DAB1: variants seen among roughly 807,000 people sequenced by gnomAD.
DAB1 encodes disabled homolog 1.
DAB1 carries 15 observed loss-of-function variants against 64.6 expected under a neutral mutation model. The observed-to-expected ratio is 0.23, with a 90% CI of 0.16 to 0.36. The LOEUF (loss-of-function observed/expected upper bound fraction) is 0.36, where lower values mean the gene tolerates loss of function less well. DAB1 is among the 10% of genes least tolerant of loss of function. The pLI, the probability that DAB1 is intolerant of heterozygous loss-of-function variation, is 1.00. For synonymous variants in DAB1, 235 were observed against 251.9 expected, an observed-to-expected ratio of 0.93 and a Z score of 0.64; for missense variants, 596 against 706.7, an observed-to-expected ratio of 0.84 and a Z score of 1.78.
chr1:58,051,395 T>G (rs1230937712), intron 5 of DAB1, among the ~76,000 whole-genome samples: 1 of 152,178 alleles, frequency 6.6e-6, no homozygotes, highest in Non-Finnish European at 1.5e-5. Context: ...TTTTTATGGC[T>G]GCATAGTATT....
At chr1:57,467,197 G>T (rs1472160144) in intron 7 of DAB1, among the ~76,000 whole-genome samples, 1 of 152,040 alleles carries the variant, frequency 6.6e-6, no homozygotes, top group Admixed American at 6.6e-5. Flanking sequence ...CTCTAGAGTG[G>T]GTCCTAAGGA....
At chr1:57,560,755 A>T (rs971345861) in intron 7 of DAB1, among the ~76,000 whole-genome samples, 1 of 152,186 alleles carries the variant, frequency 6.6e-6, no homozygotes, top group African/African-American at 2.4e-5. Flanking sequence ...AGTGGCAGAT[A>T]GGGATGCTGT....
At chr1:58,143,989 C>T (rs553489483) in intron 5 of DAB1, among the ~76,000 whole-genome samples, 2 of 152,080 alleles carry the variant, frequency 1.3e-5, no homozygotes, top group East Asian at 1.9e-4. Context: ...TCCTTCCTTC[C>T]GTTTAGTTGC....
At chr1:58,184,997 C>T (rs1439506186) in intron 4 of DAB1, among the ~76,000 whole-genome samples, 2 of 152,132 alleles carry the variant, frequency 1.3e-5, no homozygotes, top group Non-Finnish European at 2.9e-5. Flanking sequence ...CAAATCAACC[C>T]GTTACACTAA....
At chr1:58,398,054 C>T (rs1214695598) in intron 3 of DAB1, among the ~76,000 whole-genome samples, 1 of 152,150 alleles carries the variant, frequency 6.6e-6, no homozygotes, top group African/African-American at 2.4e-5. Context: ...TAACAGAGCC[C>T]TGGCACTGCG....
intron 6 of DAB1, among the ~76,000 whole-genome samples, chr1:57,655,584 C>T (rs181525062): frequency 3.3e-4 from 51 of 152,316 alleles, no homozygotes; most frequent in South Asian, 1.9e-3. Flanking sequence ...CCTACCCTTA[C>T]GGAACTTGCA....
At chr1:58,099,534 C>G (rs1651186006) in intron 5 of DAB1, among the ~76,000 whole-genome samples, 1 of 152,158 alleles carries the variant, frequency 6.6e-6, no homozygotes, top group South Asian at 2.1e-4. Flanking sequence ...TCACCATTTG[C>G]TATGCGCCAG....
chr1:57,507,266 T>C (rs1644355158), intron 7 of DAB1, among the ~76,000 whole-genome samples: 1 of 152,180 alleles, frequency 6.6e-6, no homozygotes, highest in Non-Finnish European at 1.5e-5. Flanking sequence ...GCATGTGCCG[T>C]CTCTGATTAT....
chr1:58,054,633 A>G (rs1223878874), intron 5 of DAB1, among the ~76,000 whole-genome samples: 1 of 152,218 alleles, frequency 6.6e-6, no homozygotes, highest in Non-Finnish European at 1.5e-5. Flanking sequence ...TCTCACAAAG[A>G]TATTTCCTCA....
rs183378717 is a variant in DAB1, at chr1:57,935,914, C to T, written n.388-51752G>A. 3.8e-3 allele frequency among the ~76,000 whole-genome samples: 585 copies of T among 152,222 alleles called. 7 individuals carry two copies. Among genetic ancestry groups the T allele is most frequent in the Non-Finnish European group, 3.5e-3 (239 of 68,008 alleles). On this transcript the variant is annotated intron_variant and non_coding_transcript_variant, in intron 5 of 20. Transcript: ENST00000485760. The stretch of plus-strand genomic sequence containing the variant: ...AAGCAGATCTCAATTTTTGCAATGG[C>T]CTAATGTTAAAGAAAAATGTAAAAA...
At chr1:58,047,271 A>G (rs1036003470) in intron 5 of DAB1, among the ~76,000 whole-genome samples, 1 of 152,232 alleles carries the variant, frequency 6.6e-6, no homozygotes, top group African/African-American at 2.4e-5. Flanking sequence ...TTTTAATAAT[A>G]TATTTTCTTT....
chr1:57,904,147 C>CCTCA (rs1223184570), intron 5 of DAB1, among the ~76,000 whole-genome samples: 2 of 152,174 alleles, frequency 1.3e-5, no homozygotes, highest in East Asian at 3.9e-4. Context: ...GGATCACAGG[C>CCTCA]CTCAGCCTGA....
At chr1:57,751,663 G>T (rs1648558093) in intron 6 of DAB1, among the ~76,000 whole-genome samples, 1 of 152,030 alleles carries the variant, frequency 6.6e-6, no homozygotes, top group Non-Finnish European at 1.5e-5. Flanking sequence ...AGAAAAACAT[G>T]GGAGAGAAAG....
intron 6 of DAB1, among the ~76,000 whole-genome samples, chr1:57,698,390 G>C (rs1323275728): frequency 2.0e-5 from 3 of 151,952 alleles, no homozygotes; most frequent in African/African-American, 7.3e-5. Flanking sequence ...GAGCCACAGT[G>C]CCTGTCCTTC....
intron 4 of DAB1, among the ~76,000 whole-genome samples, chr1:58,310,894 G>A (rs1206306519): frequency 2.0e-5 from 3 of 152,072 alleles, no homozygotes; most frequent in Non-Finnish European, 4.4e-5. Context: ...AGGTAACCTA[G>A]GCATCATTCC....
intron 3 of DAB1, among the ~76,000 whole-genome samples, chr1:58,427,432 T>G (rs1365454346): frequency 1.2e-4 from 18 of 152,188 alleles, no homozygotes; most frequent in Admixed American, 1.2e-3. Context: ...CTGAGAAGAC[T>G]GTAGGGAGAA....
chr1:58,295,817 G>A (rs774024209), intron 4 of DAB1, among the ~76,000 whole-genome samples: 20 of 152,138 alleles, frequency 1.3e-4, no homozygotes, highest in Non-Finnish European at 2.1e-4. Flanking sequence ...TTGGCTGGGC[G>A]CAGTGGCTCA....
chr1:57,968,526 G>C (rs1418594126), intron 5 of DAB1, among the ~76,000 whole-genome samples: 1 of 152,102 alleles, frequency 6.6e-6, no homozygotes, highest in African/African-American at 2.4e-5. Flanking sequence ...TGGAAAATTG[G>C]CATGCATGTT....
intron 5 of DAB1, among the ~76,000 whole-genome samples, chr1:57,892,876 T>C (rs1218698854): frequency 6.6e-6 from 1 of 152,136 alleles, no homozygotes; most frequent in African/African-American, 2.4e-5. Flanking sequence ...TCATAGAACT[T>C]AGCAACTTTT....
Sources: gnomAD v4.1 joint callset for allele counts (sites outside exome capture counted in the v4.1 genomes callset) on GRCh38, gnomAD v4.1.1 for gene constraint, MANE v1.5 for transcripts, NCBI Gene and HGNC (gene_info 2026-07-23, HGNC 2026-07-21) for gene names.